Variants in POU6F2 observed in about 807,000 individuals in gnomAD.
The protein encoded by POU6F2 is POU class 6 homeobox 2, also known as POU domain, class 6, transcription factor 2.
In POU6F2, 31 loss-of-function variants were observed where a neutral mutation model predicts 71.3. That is an observed-to-expected ratio of 0.43 (90% CI 0.33 to 0.59). The LOEUF is 0.59. POU6F2 is among the 20% of genes least tolerant of loss of function. The pLI is 0.04. For synonymous variants in POU6F2, 347 were observed against 355.7 expected (o/e 0.98, Z 0.27); for missense variants, 783 against 856.8 (o/e 0.91, Z 1.07).
At chr7:39,008,935 A>G (rs1276400593) in intron 1 of POU6F2, among the ~76,000 whole-genome samples, 6 of 151,598 alleles carry the variant, frequency 4.0e-5, no homozygotes, top group Non-Finnish European at 1.5e-5. Context: ...GCCTTGTAGT[A>G]TAGTTTGAAG....
intron 2 of POU6F2, among the ~76,000 whole-genome samples, chr7:39,128,660 G>A (rs1349375663): frequency 6.6e-6 from 1 of 152,112 alleles, no homozygotes; most frequent in Non-Finnish European, 1.5e-5. Context: ...TGAAATTGGT[G>A]GTATTTTATT....
intron 4 of POU6F2, among the ~76,000 whole-genome samples, chr7:39,275,166 C>T (rs1282081833): frequency 6.6e-6 from 1 of 152,136 alleles, no homozygotes; most frequent in Admixed American, 6.5e-5. Context: ...TGTCTCAGCC[C>T]AAAATCTCCT....
At chr7:39,443,055 C>G (rs1583608147) in intron 7 of POU6F2, among the ~76,000 whole-genome samples, 1 of 152,174 alleles carries the variant, frequency 6.6e-6, no homozygotes. Flanking sequence ...TTTCCATAGT[C>G]TCTCTCACAG....
chr7:39,105,695 AC>A (rs1344650538), intron 2 of POU6F2, among the ~76,000 whole-genome samples: 5 of 152,212 alleles, frequency 3.3e-5, no homozygotes, highest in African/African-American at 4.8e-5. Flanking sequence ...GACGTGGTAA[AC>A]TAAAATGTGC....
chr7:39,030,683 G>A (rs775350869), intron 1 of POU6F2, among the ~76,000 whole-genome samples: 41 of 150,704 alleles, frequency 2.7e-4, no homozygotes, highest in Admixed American at 5.3e-4. Flanking sequence ...TGGTTGTGTG[G>A]ACATACATTT....
At chr7:39,315,877 A>G (rs1302906756) in intron 4 of POU6F2, among the ~76,000 whole-genome samples, 1 of 152,242 alleles carries the variant, frequency 6.6e-6, no homozygotes, top group African/African-American at 2.4e-5. Context: ...TATATAGACA[A>G]AAGATCTAAG....
intron 5 of POU6F2, among the ~76,000 whole-genome samples, chr7:39,366,515 GCTT>G (rs956951314): frequency 9.2e-5 from 14 of 152,142 alleles, no homozygotes; most frequent in Admixed American, 7.9e-4. Flanking sequence ...CTGGGTATGA[GCTT>G]CTAAACTGTG....
At chr7:38,981,827 G>C (rs1180899154) in intron 1 of POU6F2, among the ~76,000 whole-genome samples, 1 of 152,166 alleles carries the variant, frequency 6.6e-6, no homozygotes. Flanking sequence ...AAATGTCTCA[G>C]ACAGTGCTCA....
chr7:39,098,598 A>G (rs1791504801), intron 2 of POU6F2, among the ~76,000 whole-genome samples: 1 of 152,178 alleles, frequency 6.6e-6, no homozygotes, highest in Non-Finnish European at 1.5e-5. Flanking sequence ...TATACTATAA[A>G]GTAGTGCTTC....
At chr7:39,070,596 C>T (rs1790857888) in intron 1 of POU6F2, among the ~76,000 whole-genome samples, 1 of 151,946 alleles carries the variant, frequency 6.6e-6, no homozygotes, top group African/African-American at 2.4e-5. Flanking sequence ...ACTTCTCAGC[C>T]CCACCAGCCT....
At chr7:39,325,693 C>A (rs1252122711) in intron 4 of POU6F2, among the ~76,000 whole-genome samples, 1 of 152,134 alleles carries the variant, frequency 6.6e-6, no homozygotes, top group East Asian at 1.9e-4. Flanking sequence ...AAAATAAGCA[C>A]TGGCCCATGT....
At chr7:39,186,889 T>TG (rs1340132416) in intron 2 of POU6F2, among the ~76,000 whole-genome samples, 1 of 152,188 alleles carries the variant, frequency 6.6e-6, no homozygotes, top group East Asian at 1.9e-4. Context: ...ATGCTCAGAA[T>TG]CTCAGTATCT....
chr7:39,444,159 A>C (rs999911609), intron 7 of POU6F2, among the ~76,000 whole-genome samples: 2 of 151,938 alleles, frequency 1.3e-5, no homozygotes, highest in African/African-American at 4.8e-5. Context: ...AAGAACATGC[A>C]AAGTTATCAT....
intron 2 of POU6F2, among the ~76,000 whole-genome samples, chr7:39,163,910 G>C (rs182646928): frequency 6.6e-6 from 1 of 152,304 alleles, no homozygotes; most frequent in African/African-American, 2.4e-5. Context: ...AATAAGCCAG[G>C]TGCAGGTTAC....
chr7:39,214,601 A>C (rs1794204376), intron 4 of POU6F2, among the ~76,000 whole-genome samples: 1 of 152,206 alleles, frequency 6.6e-6, no homozygotes, highest in South Asian at 2.1e-4. Flanking sequence ...CTAGAATGGA[A>C]GCCCTGTGAC....
At chr7:39,080,587 A>G (rs868443047) in intron 1 of POU6F2, among the ~76,000 whole-genome samples, 1 of 152,190 alleles carries the variant, frequency 6.6e-6, no homozygotes, top group African/African-American at 2.4e-5. Flanking sequence ...TCTGTTGTGT[A>G]TTGTATAACT....
At chr7:39,306,427 G>A (rs777155929) in intron 4 of POU6F2, among the ~76,000 whole-genome samples, 8 of 152,144 alleles carry the variant, frequency 5.3e-5, no homozygotes, top group Non-Finnish European at 7.3e-5. Context: ...TGAGGAAACC[G>A]AGGTTCAGGA....
intron 5 of POU6F2, among the ~76,000 whole-genome samples, chr7:39,355,549 G>A (rs1786238062): frequency 6.6e-6 from 1 of 152,112 alleles, no homozygotes; most frequent in Non-Finnish European, 1.5e-5. Flanking sequence ...TTTCTTAGGT[G>A]TATAGCAGGC....
intron 4 of POU6F2, among the ~76,000 whole-genome samples, chr7:39,244,523 C>G (rs1562760853): frequency 6.6e-6 from 1 of 152,170 alleles, no homozygotes; most frequent in East Asian, 1.9e-4. Flanking sequence ...ATAGCTGGAA[C>G]TGGTATTAAC....
Sources: gnomAD v4.1 joint callset for allele counts (sites outside exome capture counted in the v4.1 genomes callset) on GRCh38, gnomAD v4.1.1 for gene constraint, MANE v1.5 for transcripts, NCBI Gene and HGNC (gene_info 2026-07-23, HGNC 2026-07-21) for gene names.